Variants in HECW2 observed in about 807,000 individuals in gnomAD.
HECW2 encodes E3 ubiquitin-protein ligase HECW2.
Under a neutral mutation model 175.2 loss-of-function variants are expected in HECW2, and 61 were observed. The ratio of observed to expected loss-of-function variants is 0.35; its 90% CI spans 0.28 to 0.43. The LOEUF (loss-of-function observed/expected upper bound fraction) is 0.43, where lower values mean the gene tolerates loss of function less well. HECW2 is among the 20% of genes least tolerant of loss of function. The pLI is 1.00. For missense variants in HECW2, 1,524 were observed against 2,000.5 expected, an observed-to-expected ratio of 0.76 and a Z score of 4.54; for synonymous variants, 671 against 731.0, an observed-to-expected ratio of 0.92 and a Z score of 1.32.
At chr2:196,463,534 T>G (rs896370243) in intron 1 of HECW2, among the ~76,000 whole-genome samples, 1 of 152,200 alleles carries the variant, frequency 6.6e-6, no homozygotes, top group Non-Finnish European at 1.5e-5. Context: ...AGAATACTAA[T>G]GCAGAGTGGC....
intron 1 of HECW2, among the ~76,000 whole-genome samples, chr2:196,568,105 A>G (rs1278540301): frequency 6.6e-6 from 1 of 152,130 alleles, no homozygotes; most frequent in Non-Finnish European, 1.5e-5. Context: ...TTCTCTCTTT[A>G]TTACCTTTTC....
At chr2:196,454,783 A>G (rs1166418521) in intron 1 of HECW2, among the ~76,000 whole-genome samples, 3 of 152,190 alleles carry the variant, frequency 2.0e-5, no homozygotes, top group Non-Finnish European at 4.4e-5. Context: ...GCCATGCTCT[A>G]TGACCTCTGG....
intron 2 of HECW2, 36 bp from the exon 3 acceptor site, chr2:196,343,800 A>G (rs772334285): frequency 7.8e-7 from 1 of 1,290,004 alleles, no homozygotes; most frequent in Admixed American, 1.7e-5. Flanking sequence ...CAGATTAATT[A>G]TAACCTTTCT....
At chr2:196,406,682 C>T (rs1309803216) in intron 2 of HECW2, among the ~76,000 whole-genome samples, 3 of 152,162 alleles carry the variant, frequency 2.0e-5, no homozygotes, top group Non-Finnish European at 2.9e-5. Flanking sequence ...CCACCTGGCC[C>T]GCCATGCTCC....
chr2:196,317,283 G>C lies in HECW2; in HGVS notation c.2425C>G (p.Leu809Val). 1.9e-6 allele frequency: 3 copies of C among 1,611,990 alleles called. No individual in the cohort carries two copies. The highest frequency in any genetic ancestry group is 8.5e-7 in the Non-Finnish European group (1 of 1,178,932). Reference protein sequence around the residue: ...VSRYQRVDEALPPNWEARIDS... With the variant: ...VSRYQRVDEAVPPNWEARIDS... Reference sequence around the variant, plus strand: ...ACTAACAGGTCCTCACTTGGTGGGAGAGCCTCGTCCACCCTCTGGTACCGG... The same window carrying C: ...ACTAACAGGTCCTCACTTGGTGGGACAGCCTCGTCCACCCTCTGGTACCGG... The change falls in exon 10 of 29, where the codon CTC becomes GTC. Residue 809 changes from leucine (L) to valine (V), a missense_variant. Leu to Val is a conservative substitution (Grantham distance 32). Coordinates refer to ENST00000644978, the MANE Select transcript of HECW2 (RefSeq NM_001348768.2).
At chr2:196,515,125 T>C (rs1257592784) in intron 1 of HECW2, among the ~76,000 whole-genome samples, 3 of 152,316 alleles carry the variant, frequency 2.0e-5, no homozygotes, top group East Asian at 3.9e-4. Flanking sequence ...GCAGAAGCCA[T>C]GTGCAGTACA....
In HECW2 at chr2:196,201,379, T is replaced by C. The variant is rs113224632; in HGVS notation, c.4617A>G (p.Thr1539=). 6 of 1,611,910 alleles carry C rather than the reference T, an allele frequency of 3.7e-6. No individual in the cohort carries two copies. Among genetic ancestry groups the C allele is most frequent in the Non-Finnish European group, 5.1e-6 (6 of 1,178,068 alleles). Reference sequence around the variant, plus strand: ...GAGGCAGATCCAGACGGTTAAAACATGTATGCGCTCTGAAAACACAAGAAA... The same window carrying C: ...GAGGCAGATCCAGACGGTTAAAACACGTATGCGCTCTGAAAACACAAGAAA... ...GKITALPRAH[T]CFNRLDLPPY... Residue 1539 remains threonine (T), a synonymous_variant, in exon 29 of 29, where the codon ACA becomes ACG. Transcript: ENST00000644978.
Position 196,201,289 on chromosome 2 carries a change from A to T in HECW2, c.4707T>A (p.Phe1569Leu). 6.2e-7 allele frequency: 1 copy of T among 1,611,912 alleles called. No homozygotes were observed. The highest frequency in any genetic ancestry group is 8.5e-7 in the Non-Finnish European group (1 of 1,178,004). Residue 1569 changes from phenylalanine to leucine, a missense_variant, in exon 29 of 29, where the codon TTT (phenylalanine) becomes TTA (leucine). Around this residue, in one of 11 missense-constraint regions of HECW2, gnomAD observed 134 missense variants for 287.8 expected, o/e 0.47. Coordinates refer to ENST00000644978, the MANE Select transcript of HECW2 (RefSeq NM_001348768.2). The part of the protein sequence containing the change: ...LLTAVEETST[F>L]GLE ...TTCAGCTTCCAGGTCACTCAAGTCCAAAAGTACTGGTTTCTTCAACTGCTG... is the reference window on the plus strand; with the variant it reads ...TTCAGCTTCCAGGTCACTCAAGTCCTAAAGTACTGGTTTCTTCAACTGCTG...
At chr2:196,555,160 C>T (rs1430138102) in intron 1 of HECW2, among the ~76,000 whole-genome samples, 1 of 152,146 alleles carries the variant, frequency 6.6e-6, no homozygotes, top group Non-Finnish European at 1.5e-5. Flanking sequence ...TCTGTTTGGA[C>T]TGCTATAACA....
At chr2:196,384,303 G>A (rs1266267842) in intron 2 of HECW2, among the ~76,000 whole-genome samples, 1 of 152,092 alleles carries the variant, frequency 6.6e-6, no homozygotes, top group Non-Finnish European at 1.5e-5. Flanking sequence ...CTTTTAGGCT[G>A]AGCACGGTGG....
At chr2:196,518,816 G>C (rs1688244481) in intron 1 of HECW2, among the ~76,000 whole-genome samples, 1 of 151,990 alleles carries the variant, frequency 6.6e-6, no homozygotes, top group Non-Finnish European at 1.5e-5. Context: ...TCTCCTCTCT[G>C]TATCTCTGCC....
chr2:196,524,203 G>A (rs1338880116), intron 1 of HECW2, among the ~76,000 whole-genome samples: 4 of 138,848 alleles, frequency 2.9e-5, no homozygotes, highest in Admixed American at 2.8e-4. Context: ...GTTTAGTCTT[G>A]GGAGAGTGTA....
intron 12 of HECW2, 28 bp downstream of exon 12, chr2:196,307,102 T>C (rs1691294642): frequency 6.8e-7 from 1 of 1,478,774 alleles, no homozygotes; most frequent in African/African-American, 1.4e-5. Flanking sequence ...TTTTATGAAA[T>C]TACAAAAACA....
At chr2:196,544,903 C>G (rs141161613) in intron 1 of HECW2, among the ~76,000 whole-genome samples, 1 of 152,186 alleles carries the variant, frequency 6.6e-6, no homozygotes, top group African/African-American at 2.4e-5. Context: ...TGCTCAAGTT[C>G]AGATTTTGCT....
At chr2:196,579,548 G>A (rs927368483) in intron 1 of HECW2, among the ~76,000 whole-genome samples, 2 of 152,030 alleles carry the variant, frequency 1.3e-5, no homozygotes, top group African/African-American at 2.4e-5. Context: ...GATAAAAATA[G>A]AATAAAAATT....
At chr2:196,516,011 T>C (rs907413839) in intron 1 of HECW2, among the ~76,000 whole-genome samples, 19 of 150,744 alleles carry the variant, frequency 1.3e-4, no homozygotes, top group Non-Finnish European at 2.5e-4. Context: ...GTGGCTCATG[T>C]CTGTAATCCC....
chr2:196,271,327 G>T lies in HECW2; in HGVS notation c.3239-38C>A, dbSNP rs761865505. ...TCAGAAAAGACAACAATTTAAAAAA[G>T]AATCTATTTTTAGTTTTATGTATAT... On this transcript the variant is annotated intron_variant, in intron 16 of 28. Transcript: ENST00000644978. 1.9e-5 allele frequency: 27 copies of T among 1,426,320 alleles called. 1 individual carries two copies. In the Middle Eastern group the frequency reaches 1.3e-3, roughly 71 times the overall value. 88.4% of individuals were successfully genotyped at this position (1,426,320 alleles called of 1,614,324 possible).
rs114191234 is a variant in HECW2, at chr2:196,278,753, A to T, written c.3001-91T>A. 1,115 of 1,395,632 alleles carry T rather than the reference A, an allele frequency of 8.0e-4. 12 individuals carry two copies. The African/African-American group carries it at 0.013, about 17-fold the overall frequency. The allele number at this position is 1,395,632 out of a possible 1,614,324, so 86.5% of individuals were successfully genotyped here. ...ACGGTCAGGAAAAGACTCACTTCTG[A>T]GTCACAATCTTAGCTCTATTTTCTC... On this transcript the variant is annotated intron_variant, in intron 14 of 28. Coordinates refer to ENST00000644978, the MANE Select transcript of HECW2 (RefSeq NM_001348768.2).
intron 2 of HECW2, among the ~76,000 whole-genome samples, chr2:196,424,312 T>A (rs1286621179): frequency 6.6e-6 from 1 of 152,042 alleles, no homozygotes; most frequent in Non-Finnish European, 1.5e-5. Context: ...CACAACAATA[T>A]TGAAATTAGG....
Sources: allele counts gnomAD v4.1 joint callset (sites outside exome capture counted in the v4.1 genomes callset), GRCh38; gene constraint gnomAD v4.1.1; regional missense constraint gnomAD v4.1.1; transcripts MANE v1.5; gene names NCBI Gene and HGNC (gene_info 2026-07-23, HGNC 2026-07-21).